FBRSL1: variants seen among roughly 807,000 people sequenced by gnomAD.
FBRSL1 encodes fibrosin like 1.
FBRSL1 carries 51 observed loss-of-function variants against 89.6 expected under a neutral mutation model. The ratio of observed to expected loss-of-function variants is 0.57; its 90% confidence interval spans 0.45 to 0.72. The LOEUF is 0.72. FBRSL1 is among the 30% of genes least tolerant of loss of function. The probability of loss-of-function intolerance (pLI) is 0.00; values close to 1 mark genes in which losing one functional copy is unlikely to be tolerated. For missense variants in FBRSL1, 1,618 were observed against 1,451.8 expected, an observed-to-expected ratio of 1.11 and a Z score of -1.86; for synonymous variants, 779 against 681.1, an observed-to-expected ratio of 1.14 and a Z score of -2.24.
chr12:132,509,425 A>G, intron 2 of FBRSL1: 1 of 1,241,522 alleles, frequency 8.1e-7, no homozygotes, highest in Non-Finnish European at 1.0e-6. Flanking sequence ...GGCCCCGGTC[A>G]GCCCTGCCGG....
intron 2 of FBRSL1, among the ~76,000 whole-genome samples, chr12:132,522,256 G>A (rs2136867986): frequency 6.6e-6 from 1 of 152,260 alleles, no homozygotes; most frequent in South Asian, 2.1e-4. Flanking sequence ...GGCCGCACCT[G>A]AGCCCCCGAC....
chr12:132,490,885 C>T (rs1247521437), intron 1 of FBRSL1, 24 bp downstream of exon 1: 4 of 1,225,320 alleles, frequency 3.3e-6, no homozygotes, highest in Non-Finnish European at 4.3e-6. Flanking sequence ...TGCGGCTTCG[C>T]AGGCGTTGAG....
Position 132,583,185 on chromosome 12 carries a change from A to G in FBRSL1, c.2416A>G (p.Lys806Glu). 1 of 1,451,574 alleles carries G rather than the reference A, an allele frequency of 6.9e-7. No individual in the cohort carries two copies. The highest frequency in any genetic ancestry group is 9.0e-7 in the Non-Finnish European group (1 of 1,105,598). The allele number at this position is 1,451,574 out of a possible 1,614,324, so 89.9% of individuals were successfully genotyped here. The change falls in exon 19 of 19, where the codon AAG (lysine) becomes GAG (glutamate). Residue 806 changes from lysine (K) to glutamate (E), a missense_variant. Transcript: ENST00000680143. ...CGCGCGCGCATCCCCGCCCCACAGC[A>G]AGGCGGCCCCTGGAGACGTGAAGGT... ...MPARASPPHS[K>E]AAPGDVKVKE...
chr12:132,560,842 G>C (rs1006143338), intron 5 of FBRSL1, among the ~76,000 whole-genome samples: 1 of 152,236 alleles, frequency 6.6e-6, no homozygotes, highest in African/African-American at 2.4e-5. Context: ...AGGCAGAGGC[G>C]GCTGCTCGTG....
At chr12:132,543,436 G>A (rs1167835756) in intron 4 of FBRSL1, among the ~76,000 whole-genome samples, 1 of 152,214 alleles carries the variant, frequency 6.6e-6, no homozygotes, top group African/African-American at 2.4e-5. Flanking sequence ...CCCAGCATTC[G>A]ACACCCCAGG....
intron 2 of FBRSL1, among the ~76,000 whole-genome samples, chr12:132,525,361 C>A (rs887689182): frequency 4.6e-5 from 7 of 152,218 alleles, no homozygotes; most frequent in Non-Finnish European, 7.4e-5. Flanking sequence ...GTCCCTAGCA[C>A]CCCCAGGATG....
At chr12:132,506,761 G>A (rs577739796) in intron 1 of FBRSL1, among the ~76,000 whole-genome samples, 2 of 152,382 alleles carry the variant, frequency 1.3e-5, no homozygotes, top group East Asian at 3.9e-4. Flanking sequence ...GGAGGCCATG[G>A]GCTCTCGGGC....
chr12:132,569,451 G>A (rs1427324377), intron 6 of FBRSL1, among the ~76,000 whole-genome samples: 2 of 152,158 alleles, frequency 1.3e-5, no homozygotes, highest in Non-Finnish European at 2.9e-5. Context: ...CTGTTGGGGT[G>A]GGGCAGACCC....
chr12:132,515,466 C>T (rs1305214197), intron 2 of FBRSL1, among the ~76,000 whole-genome samples: 4 of 150,218 alleles, frequency 2.7e-5, no homozygotes, highest in African/African-American at 9.8e-5. Flanking sequence ...TAAAGGAAAA[C>T]TAGCTTGTGC....
intron 3 of FBRSL1, among the ~76,000 whole-genome samples, chr12:132,527,548 C>T (rs1482013322): frequency 1.3e-5 from 2 of 152,150 alleles, no homozygotes; most frequent in Admixed American, 1.3e-4. Flanking sequence ...GGTCTTGGGT[C>T]TGGGCATCTG....
At chr12:132,506,462 C>T (rs1488099316) in intron 1 of FBRSL1, among the ~76,000 whole-genome samples, 6 of 152,326 alleles carry the variant, frequency 3.9e-5, no homozygotes, top group East Asian at 1.9e-4. Flanking sequence ...CTCTGCCTGT[C>T]CCCTCTGACT....
intron 2 of FBRSL1, among the ~76,000 whole-genome samples, chr12:132,514,205 A>G (rs3812828): frequency 0.72 from 110,165 of 152,092 alleles, 40,283 homozygotes; most frequent in Non-Finnish European, 0.78. Flanking sequence ...GGGCAAAGAC[A>G]CAGAGGGCAT....
At chr12:132,528,178 AAGATTTGGGGGT>A (rs1187884744) in intron 4 of FBRSL1, among the ~76,000 whole-genome samples, 190 bp downstream of exon 4, 1 of 151,984 alleles carries the variant, frequency 6.6e-6, no homozygotes, top group African/African-American at 2.4e-5. Context: ...CTCCAGAGTG[AAGATTTGGGGGT>A]GCGTCCTGCT....
chr12:132,562,601 A>G (rs2039227211), intron 5 of FBRSL1, among the ~76,000 whole-genome samples: 1 of 45,176 alleles, frequency 2.2e-5, no homozygotes, highest in African/African-American at 1.1e-4. Flanking sequence ...TGAGCAGACC[A>G]AGTAGCGTCA....
At chr12:132,532,508 G>A (rs145882834) in intron 4 of FBRSL1, among the ~76,000 whole-genome samples, 2,025 of 152,216 alleles carry the variant, frequency 0.013, 43 homozygotes, top group African/African-American at 0.045. Flanking sequence ...GGCCCTTCCT[G>A]TCCCCACTGG....
intron 5 of FBRSL1, among the ~76,000 whole-genome samples, chr12:132,555,479 CCCCACCCG>C: frequency 3.3e-5 from 5 of 149,730 alleles, no homozygotes; most frequent in Non-Finnish European, 4.5e-5. Context: ...ACGGTAGCCG[CCCCACCCG>C]AGCGTGAGCG....
intron 2 of FBRSL1, among the ~76,000 whole-genome samples, chr12:132,524,779 G>A (rs772525272): frequency 1.8e-4 from 28 of 152,224 alleles, no homozygotes; most frequent in Non-Finnish European, 3.2e-4. Flanking sequence ...CCTGCTGGGC[G>A]CTGGCCAGCA....
intron 2 of FBRSL1, among the ~76,000 whole-genome samples, chr12:132,515,776 T>TGTA (rs1402523159): frequency 6.6e-6 from 1 of 151,708 alleles, no homozygotes; most frequent in Non-Finnish European, 1.5e-5. Flanking sequence ...GGCGCACACC[T>TGTA]GTAGTCCCAG....
At position 132,574,539 on chromosome 12, in the gene FBRSL1, T is replaced by C. The variant is rs1232933001; in HGVS notation, c.1676T>C (p.Ile559Thr). 1.3e-6 allele frequency: 2 copies of C among 1,549,916 alleles called. No individual in the cohort carries two copies. The highest frequency in any genetic ancestry group is 1.7e-6 in the Non-Finnish European group (2 of 1,146,818). The change falls in exon 14 of 19, where the codon ATC becomes ACC. Residue 559 changes from isoleucine to threonine, a missense_variant. By Grantham distance (89) the Ile-to-Thr change is moderately conservative. Transcript: ENST00000680143. ...GTGCACGTGCAGATCGCCTGGCAGA[T>C]CTACCGTCACCAGCAGAAGATAAAG... ...CAVHVQIAWQ[I>T]YRHQQKIKEM...
Sources: gnomAD v4.1 joint callset for allele counts (sites outside exome capture counted in the v4.1 genomes callset) on GRCh38, gnomAD v4.1.1 for gene constraint, MANE v1.5 for transcripts, NCBI Gene and HGNC (gene_info 2026-07-23, HGNC 2026-07-21) for gene names.